DOCK11: variants seen among roughly 807,000 people sequenced by gnomAD.
The protein encoded by DOCK11 is dedicator of cytokinesis protein 11.
In DOCK11, 70 loss-of-function variants were observed where a neutral mutation model predicts 169.1. The observed-to-expected ratio is 0.41, with a 90% CI of 0.34 to 0.51. The LOEUF (loss-of-function observed/expected upper bound fraction) is 0.51. Ranked by LOEUF, DOCK11 falls within the 20% of genes least tolerant of loss-of-function variation. The pLI is 0.10. For missense variants in DOCK11, 1,166 were observed against 1,538.8 expected, an observed-to-expected ratio of 0.76 and a Z score of 4.05; for synonymous variants, 529 against 541.3, an observed-to-expected ratio of 0.98 and a Z score of 0.32.
At chrX:118,611,112 TAAC>T (rs2014673382) in intron 28 of DOCK11, among the ~76,000 whole-genome samples, 1 of 112,187 alleles carries the variant, frequency 8.9e-6, no homozygotes, top group Non-Finnish European at 1.9e-5. Flanking sequence ...ATAAAGGTGA[TAAC>T]AATAATACCA....
At chrX:118,648,606 A>AATATATAATATATAC (rs1556332603) in intron 40 of DOCK11, among the ~76,000 whole-genome samples, 1 of 97,505 alleles carries the variant, frequency 1.0e-5, no homozygotes, top group African/African-American at 3.9e-5. Flanking sequence ...ATAATATATT[A>AATATATAATATATAC]ATATATAATA....
intron 1 of DOCK11, among the ~76,000 whole-genome samples, chrX:118,519,623 A>G (rs1431184330): frequency 8.9e-6 from 1 of 112,045 alleles, no homozygotes; most frequent in Non-Finnish European, 1.9e-5. Context: ...GTGAACCACC[A>G]AAATCATGGT....
chrX:118,627,485 G>A lies in DOCK11; in HGVS notation c.3589-19G>A, dbSNP rs1361052176. On this transcript the variant is annotated intron_variant, in intron 32 of 52. Transcript: ENST00000276202. ...ATACGAATTTGTTTAAATGACACAGGTATCATATTCTGTTACAGGCATCCA... is the reference window on the plus strand; with the variant it reads ...ATACGAATTTGTTTAAATGACACAGATATCATATTCTGTTACAGGCATCCA... The A allele has an allele frequency of 1.7e-6, 2 of 1,148,356 alleles. No individual in the cohort carries two copies. The highest frequency in any genetic ancestry group is 2.4e-6 in the Non-Finnish European group (2 of 841,833). The allele number at this position is 1,148,356 out of a possible 1,213,427, so 94.6% of individuals were successfully genotyped here. A position where few individuals can be genotyped will look rare whatever the true frequency, so the allele number is the denominator to read the frequency against.
intron 7 of DOCK11, among the ~76,000 whole-genome samples, chrX:118,562,927 G>A (rs2012959923): frequency 8.9e-6 from 1 of 112,288 alleles, no homozygotes; most frequent in Non-Finnish European, 1.9e-5. Flanking sequence ...TTCCTTTGGG[G>A]ATTACAGGGA....
intron 1 of DOCK11, among the ~76,000 whole-genome samples, chrX:118,531,115 T>C (rs1242419198): frequency 9.1e-6 from 1 of 110,017 alleles, no homozygotes; most frequent in African/African-American, 3.3e-5. Context: ...ATTGGAGATT[T>C]TGTTGTTATT....
intron 20 of DOCK11, among the ~76,000 whole-genome samples, chrX:118,597,112 G>A (rs145472413): frequency 1.8e-5 from 2 of 112,053 alleles, no homozygotes; most frequent in East Asian, 2.8e-4. Context: ...GTATCGATGC[G>A]CTTTTAAAGG....
intron 42 of DOCK11, among the ~76,000 whole-genome samples, chrX:118,653,959 C>T (rs959252895): frequency 8.9e-6 from 1 of 112,139 alleles, no homozygotes; most frequent in Non-Finnish European, 1.9e-5. Flanking sequence ...CTTTCTGGAA[C>T]GTTCTGTGAT....
chrX:118,611,331 A>G (rs1485694741), intron 28 of DOCK11, among the ~76,000 whole-genome samples: 1 of 112,426 alleles, frequency 8.9e-6, no homozygotes, highest in Non-Finnish European at 1.9e-5. Context: ...CAGAGGACAC[A>G]TACAGGTGGC....
chrX:118,579,850 A>G (rs1239275932), intron 13 of DOCK11, among the ~76,000 whole-genome samples: 1 of 112,091 alleles, frequency 8.9e-6, no homozygotes, highest in African/African-American at 3.2e-5. Context: ...TGTGCCCTAT[A>G]TCTATTTCGT....
rs973680354 is a variant in DOCK11, at chrX:118,566,275, A to G, written c.871+93A>G. On this transcript the variant is annotated intron_variant, in intron 8 of 52. Transcript: ENST00000276202. ...GTGCAGGGTGAGTAGAGAACTCTTA[A>G]TCTTAAAAGTTGACCTGCTTCTTCA... 4.6e-5 allele frequency: 40 copies of G among 860,229 alleles called. No homozygotes were observed. In the Admixed American group the frequency reaches 6.1e-4, roughly 13 times the overall value. The allele number at this position is 860,229 out of a possible 1,213,427, so 70.9% of individuals were successfully genotyped here.
intron 36 of DOCK11, 139 bp downstream of exon 36, chrX:118,636,551 C>T (rs1309000232): frequency 7.1e-6 from 2 of 282,700 alleles, no homozygotes; most frequent in Non-Finnish European, 1.3e-5. Flanking sequence ...TAGAGCCTGA[C>T]ATAGAGGTTC....
At chrX:118,658,313 C>T (rs2016129751) in intron 44 of DOCK11, among the ~76,000 whole-genome samples, 1 of 112,465 alleles carries the variant, frequency 8.9e-6, no homozygotes, top group East Asian at 2.8e-4. Flanking sequence ...CATTATAAAA[C>T]ATTTTTAAAT....
intron 46 of DOCK11, among the ~76,000 whole-genome samples, chrX:118,671,925 G>A (rs965322643): frequency 8.9e-6 from 1 of 112,386 alleles, no homozygotes; most frequent in Non-Finnish European, 1.9e-5. Flanking sequence ...GTGATCCTCC[G>A]GCCTTAGCTT....
intron 31 of DOCK11, among the ~76,000 whole-genome samples, chrX:118,623,826 C>G (rs1037061742): frequency 8.9e-6 from 1 of 112,835 alleles, no homozygotes; most frequent in Non-Finnish European, 1.9e-5. Context: ...GAGGGCAATG[C>G]TTGTGCTACC....
In DOCK11 at chrX:118,630,286, C is replaced by T. The variant is rs1413731856; in HGVS notation, c.3775-93C>T. 9 of 504,861 alleles carry T rather than the reference C, an allele frequency of 1.8e-5. No individual in the cohort carries two copies. The Admixed American group carries it at 2.8e-4, about 16-fold the overall frequency. 41.6% of individuals were successfully genotyped at this position (504,861 alleles called of 1,213,427 possible). On this transcript the variant is annotated intron_variant, in intron 34 of 52. Coordinates refer to ENST00000276202, the MANE Select transcript of DOCK11 (RefSeq NM_144658.4). ...AATTTAGATTTATGTTTAGAATTTT[C>T]CCAAACAGATCTAATGATAAAAAAA...
At chrX:118,657,889 G>T (rs1603170604) in intron 44 of DOCK11, among the ~76,000 whole-genome samples, 1 of 109,720 alleles carries the variant, frequency 9.1e-6, no homozygotes, top group Admixed American at 9.7e-5. Context: ...CGGGTGACAG[G>T]TACACCAAAA....
rs1399153410 is a variant in DOCK11, at chrX:118,584,794, A to G, written c.1655A>G (p.Tyr552Cys). ...CTGGATGGGAGATTTTCTCCTCTGT[A>G]TAAACAAGACAGTAGCAAGCTTTCA... The part of the protein sequence containing the change: ...LDLDGRFSPL[Y>C]KQDSSKLSSE... The change falls in exon 15 of 53, where the codon TAT becomes TGT. Residue 552 changes from tyrosine to cysteine, a missense_variant. By Grantham distance (194) the Tyr-to-Cys change is radical. Transcript: ENST00000276202. 1 of 1,202,712 alleles carries G rather than the reference A, an allele frequency of 8.3e-7. No homozygotes were observed. Among genetic ancestry groups the G allele is most frequent in the Non-Finnish European group, 1.1e-6 (1 of 891,122 alleles).
chrX:118,575,955 C>T (rs1183511444), intron 12 of DOCK11, among the ~76,000 whole-genome samples: 1 of 111,663 alleles, frequency 9.0e-6, no homozygotes, highest in Non-Finnish European at 1.9e-5. Context: ...TGTGTGCCAA[C>T]ATTATTCCAT....
intron 1 of DOCK11, among the ~76,000 whole-genome samples, chrX:118,501,451 A>G (rs760760894): frequency 8.0e-5 from 9 of 112,079 alleles, no homozygotes; most frequent in Non-Finnish European, 1.7e-4. Flanking sequence ...CCACCACTGC[A>G]CTCCAGCCTA....
Sources: gnomAD v4.1 joint callset for allele counts (sites outside exome capture counted in the v4.1 genomes callset) on GRCh38, gnomAD v4.1.1 for gene constraint, MANE v1.5 for transcripts, NCBI Gene and HGNC (gene_info 2026-07-23, HGNC 2026-07-21) for gene names.